The following NAALADL2 variants were observed in gnomAD, a reference collection of about 807,000 sequenced individuals.
NAALADL2 encodes inactive N-acetylated-alpha-linked acidic dipeptidase-like protein 2.
NAALADL2 carries 76 observed loss-of-function variants against 87.2 expected under a neutral mutation model. The observed-to-expected ratio is 0.87, with a 90% confidence interval of 0.72 to 1.05. The LOEUF is 1.05. Ranked by LOEUF, NAALADL2 falls within the 50% of genes least tolerant of loss-of-function variation. The pLI is 0.00. For missense variants in NAALADL2, 1,089 were observed against 945.8 expected (o/e 1.15, Z -1.99); for synonymous variants, 354 against 331.0 (o/e 1.07, Z -0.75).
At chr3:175,625,249 A>G (rs1405947172) in intron 10 of NAALADL2, among the ~76,000 whole-genome samples, 1 of 151,956 alleles carries the variant, frequency 6.6e-6, no homozygotes, top group Non-Finnish European at 1.5e-5. Flanking sequence ...CCTCAGGTCT[A>G]TTTTACTTTG....
At chr3:175,092,064 A>T (rs1720239076) in intron 1 of NAALADL2, among the ~76,000 whole-genome samples, 1 of 151,918 alleles carries the variant, frequency 6.6e-6, no homozygotes, top group Admixed American at 6.6e-5. Flanking sequence ...AATTATTATT[A>T]TTAGTGTATC....
At chr3:175,403,016 C>T (rs763119677) in intron 5 of NAALADL2, among the ~76,000 whole-genome samples, 36 of 152,032 alleles carry the variant, frequency 2.4e-4, no homozygotes, top group Non-Finnish European at 4.1e-4. Context: ...CTGGAGTTAC[C>T]GCGCATGCCA....
rs1355745414 is a variant in NAALADL2 at position 174,637,843 on chromosome 3, C to T, written c.-115+87206C>T. On this transcript the variant is annotated intron_variant, in intron 2 of 3. Transcript: ENST00000434257. ...TTATAAAGCCAAGTCTTGATTTCCTCTGCTAAAACTTTATTTTTTTTCAAG... is the reference window on the plus strand; with the variant it reads ...TTATAAAGCCAAGTCTTGATTTCCTTTGCTAAAACTTTATTTTTTTTCAAG... Among the ~76,000 whole-genome samples, 3 of 151,962 alleles carry T rather than the reference C, an allele frequency of 2.0e-5. No homozygotes were observed. The East Asian group carries it at 5.8e-4, about 29-fold the overall frequency.
intron 2 of NAALADL2, among the ~76,000 whole-genome samples, chr3:175,226,293 A>C (rs1190288105): frequency 6.6e-6 from 1 of 152,066 alleles, no homozygotes; most frequent in Non-Finnish European, 1.5e-5. Context: ...CAAACTGTGA[A>C]ATTCATTCTA....
At chr3:174,951,939 A>G (rs1740430448) in intron 1 of NAALADL2, among the ~76,000 whole-genome samples, 1 of 152,088 alleles carries the variant, frequency 6.6e-6, no homozygotes, top group East Asian at 1.9e-4. Flanking sequence ...CAAGCTCTTC[A>G]GTTTTCTAAA....
chr3:174,989,105 A>C (rs1474194668), intron 1 of NAALADL2, among the ~76,000 whole-genome samples: 1 of 152,198 alleles, frequency 6.6e-6, no homozygotes, highest in Non-Finnish European at 1.5e-5. Context: ...ACCAGCTCTC[A>C]TAGGAACTAA....
At chr3:174,468,522 G>A (rs1270575846) in intron 1 of NAALADL2, among the ~76,000 whole-genome samples, 3 of 150,262 alleles carry the variant, frequency 2.0e-5, no homozygotes, top group East Asian at 2.0e-4. Flanking sequence ...CTGGGACTAC[G>A]GGCACCTGCC....
At chr3:174,948,667 C>A (rs1018453325) in intron 1 of NAALADL2, among the ~76,000 whole-genome samples, 8 of 152,106 alleles carry the variant, frequency 5.3e-5, no homozygotes, top group Non-Finnish European at 2.9e-5. Context: ...GATGGCTTTT[C>A]TTTCTTCCAT....
intron 1 of NAALADL2, among the ~76,000 whole-genome samples, chr3:174,991,542 T>C (rs906577934): frequency 6.6e-6 from 1 of 152,134 alleles, no homozygotes; most frequent in Non-Finnish European, 1.5e-5. Flanking sequence ...TACAATCAGA[T>C]GTGTCCTGCA....
At chr3:175,650,309 T>A (rs1730590103) in intron 11 of NAALADL2, among the ~76,000 whole-genome samples, 1 of 152,136 alleles carries the variant, frequency 6.6e-6, no homozygotes, top group Admixed American at 6.5e-5. Context: ...CAAGACTAGG[T>A]CTGGGGGACA....
chr3:174,838,745 T>A (rs1164254332), intron 3 of NAALADL2, among the ~76,000 whole-genome samples: 1 of 151,952 alleles, frequency 6.6e-6, no homozygotes, highest in Non-Finnish European at 1.5e-5. Context: ...CATTTTACAA[T>A]AGCTGCAAAA....
At chr3:174,936,615 T>C (rs187012442) in intron 1 of NAALADL2, among the ~76,000 whole-genome samples, 1 of 152,242 alleles carries the variant, frequency 6.6e-6, no homozygotes, top group East Asian at 1.9e-4. Context: ...TTGGTAATAC[T>C]TTAGTCTGGT....
At chr3:174,983,369 T>G (rs2108663353) in intron 1 of NAALADL2, among the ~76,000 whole-genome samples, 1 of 152,306 alleles carries the variant, frequency 6.6e-6, no homozygotes, top group South Asian at 2.1e-4. Flanking sequence ...AAATATTGGC[T>G]TGGCATGTGA....
chr3:174,562,012 A>G (rs1288270156), intron 2 of NAALADL2, among the ~76,000 whole-genome samples: 1 of 152,190 alleles, frequency 6.6e-6, no homozygotes, highest in Non-Finnish European at 1.5e-5. Flanking sequence ...AATAATCACT[A>G]TAACTAAATT....
At chr3:174,962,383 T>TATATATATATATATGTCA (rs1742187557) in intron 1 of NAALADL2, among the ~76,000 whole-genome samples, 1 of 116,920 alleles carries the variant, frequency 8.6e-6, no homozygotes, top group East Asian at 2.1e-4. Context: ...TATATATATA[T>TATATATATATATATGTCA]ATATATATAT....
At chr3:175,191,628 A>C (rs9290548) in intron 2 of NAALADL2, among the ~76,000 whole-genome samples, 17,591 of 152,198 alleles carry the variant, frequency 0.12, 1,154 homozygotes, top group African/African-American at 0.16. Flanking sequence ...AACTCTGTCA[A>C]GGATATTAGG....
At chr3:174,621,935 C>G (rs1004212362) in intron 2 of NAALADL2, among the ~76,000 whole-genome samples, 1 of 152,136 alleles carries the variant, frequency 6.6e-6, no homozygotes, top group African/African-American at 2.4e-5. Flanking sequence ...TAGCATTCAT[C>G]TGTTTGCTTC....
chr3:175,647,227 T>C (rs1487821843), intron 11 of NAALADL2, among the ~76,000 whole-genome samples: 1 of 152,290 alleles, frequency 6.6e-6, no homozygotes, highest in East Asian at 1.9e-4. Context: ...AGAAGTCACG[T>C]CTGCTATCCA....
intron 3 of NAALADL2, among the ~76,000 whole-genome samples, chr3:174,841,451 A>C (rs1369647989): frequency 6.6e-6 from 1 of 152,288 alleles, no homozygotes; most frequent in East Asian, 1.9e-4. Flanking sequence ...GTTTTCGTTT[A>C]GTTAGTATTT....
Sources: gnomAD v4.1 joint callset for allele counts (sites outside exome capture counted in the v4.1 genomes callset) on GRCh38, gnomAD v4.1.1 for gene constraint, MANE v1.5 for transcripts, NCBI Gene and HGNC (gene_info 2026-07-23, HGNC 2026-07-21) for gene names.